Variants in NAALADL2 observed in about 807,000 individuals in gnomAD.
NAALADL2 encodes N-acetylated alpha-linked acidic dipeptidase like 2.
NAALADL2 carries 76 observed loss-of-function variants against 87.2 expected under a neutral mutation model. The observed-to-expected ratio is 0.87, with a 90% CI of 0.72 to 1.05. The LOEUF (loss-of-function observed/expected upper bound fraction) is 1.05, where lower values mean the gene tolerates loss of function less well. Among genes scored for constraint, NAALADL2 ranks in the 50% least tolerant of loss-of-function variants. NAALADL2 has a pLI of 0.00. For synonymous variants in NAALADL2, 354 were observed against 331.0 expected (o/e 1.07, Z -0.75); for missense variants, 1,089 against 945.8 (o/e 1.15, Z -1.99).
At chr3:175,680,457 T>C in intron 11 of NAALADL2, among the ~76,000 whole-genome samples, 1 of 152,230 alleles carries the variant, frequency 6.6e-6, no homozygotes, top group Admixed American at 6.5e-5. Context: ...AAGTAAATGA[T>C]AATAGAGATT....
chr3:174,812,849 T>C (rs1038056934), intron 3 of NAALADL2, among the ~76,000 whole-genome samples: 1 of 151,840 alleles, frequency 6.6e-6, no homozygotes, highest in Admixed American at 6.6e-5. Flanking sequence ...AATAAAGATA[T>C]AAAGAAAAAA....
chr3:174,486,411 C>G (rs565378966), intron 1 of NAALADL2, among the ~76,000 whole-genome samples: 9 of 152,138 alleles, frequency 5.9e-5, no homozygotes, highest in Non-Finnish European at 1.2e-4. Context: ...TGGCTGGGTC[C>G]CCCTAGTGCT....
intron 9 of NAALADL2, among the ~76,000 whole-genome samples, chr3:175,575,480 T>A (rs1718730234): frequency 6.6e-6 from 1 of 152,012 alleles, no homozygotes; most frequent in Non-Finnish European, 1.5e-5. Context: ...GGACGAGCTT[T>A]CACCATGTTG....
At chr3:174,723,373 C>T (rs1383568342) in intron 2 of NAALADL2, among the ~76,000 whole-genome samples, 1 of 152,162 alleles carries the variant, frequency 6.6e-6, no homozygotes, top group African/African-American at 2.4e-5. Flanking sequence ...TCCCAAGCTT[C>T]TAACACCCAA....
intron 5 of NAALADL2, among the ~76,000 whole-genome samples, chr3:175,356,385 C>T (rs1764363251): frequency 6.6e-6 from 1 of 151,802 alleles, no homozygotes; most frequent in African/African-American, 2.4e-5. Flanking sequence ...GAGTTCAAGA[C>T]CAACATAGTG....
At chr3:175,600,523 G>GTTTTTTTT (rs1560828582) in intron 10 of NAALADL2, among the ~76,000 whole-genome samples, 1 of 57,958 alleles carries the variant, frequency 1.7e-5, no homozygotes, top group Non-Finnish European at 3.9e-5. Flanking sequence ...ATGTGTCTTA[G>GTTTTTTTT]TCTTTTTTTT....
intron 1 of NAALADL2, among the ~76,000 whole-genome samples, chr3:174,933,150 G>A (rs1737173867): frequency 6.6e-6 from 1 of 152,144 alleles, no homozygotes; most frequent in Non-Finnish European, 1.5e-5. Flanking sequence ...AAGACTATCT[G>A]CCTGTTGACT....
In NAALADL2 at chr3:175,627,274, T is replaced by G. The variant is rs1727117441; in HGVS notation, c.1801-17T>G. 1 of 1,536,258 alleles carries G rather than the reference T, an allele frequency of 6.5e-7. No homozygotes were observed. Among genetic ancestry groups the G allele is most frequent in the African/African-American group, 1.4e-5 (1 of 72,550 alleles). The stretch of plus-strand genomic sequence containing the variant: ...TCGATAAAGAGTTTTAAATGTTTCT[T>G]TTTTGATTTGCCGCAGGGTCCAAGT... On this transcript the variant is annotated splice_polypyrimidine_tract_variant and intron_variant, in intron 10 of 13. Coordinates refer to ENST00000454872, the MANE Select transcript of NAALADL2 (RefSeq NM_207015.3).
At chr3:174,659,674 A>C (rs1725324654) in intron 2 of NAALADL2, among the ~76,000 whole-genome samples, 1 of 152,216 alleles carries the variant, frequency 6.6e-6, no homozygotes, top group Admixed American at 6.5e-5. Context: ...GGCATAAGCC[A>C]GTGTGGAGAG....
At chr3:174,987,827 T>TATATATATTTATATATAA (rs1222203525) in intron 1 of NAALADL2, among the ~76,000 whole-genome samples, 1 of 130,578 alleles carries the variant, frequency 7.7e-6, no homozygotes, top group African/African-American at 3.7e-5. Context: ...TATATATATA[T>TATATATATTTATATATAA]AATGAGACCT....
intron 13 of NAALADL2, among the ~76,000 whole-genome samples, chr3:175,760,587 T>G (rs995192172): frequency 2.0e-5 from 3 of 152,186 alleles, no homozygotes; most frequent in African/African-American, 4.8e-5. Flanking sequence ...AATCCAGCAG[T>G]GTGAAATTTG....
intron 2 of NAALADL2, among the ~76,000 whole-genome samples, chr3:174,653,483 A>G (rs1351494826): frequency 6.6e-6 from 1 of 152,156 alleles, no homozygotes; most frequent in Non-Finnish European, 1.5e-5. Context: ...GGACTTTACA[A>G]TTTAGTAGGA....
intron 2 of NAALADL2, chr3:175,115,272 C>T (rs1724920237): frequency 6.6e-6 from 1 of 151,494 alleles, no homozygotes; most frequent in Admixed American, 6.6e-5. Context: ...TAACTTACTT[C>T]TTTATTGTGA....
intron 3 of NAALADL2, among the ~76,000 whole-genome samples, chr3:174,740,150 A>T (rs1733626001): frequency 6.6e-6 from 1 of 152,006 alleles, no homozygotes; most frequent in Non-Finnish European, 1.5e-5. Flanking sequence ...CAAGGTGGAC[A>T]TGTAAGCAAC....
At chr3:175,430,962 T>A (rs766735460) in intron 5 of NAALADL2, among the ~76,000 whole-genome samples, 1 of 152,102 alleles carries the variant, frequency 6.6e-6, no homozygotes, top group Non-Finnish European at 1.5e-5. Context: ...ATCTCATTGA[T>A]ATTTTTATTG....
At chr3:175,445,006 A>G (rs999054211) in intron 5 of NAALADL2, among the ~76,000 whole-genome samples, 1 of 152,188 alleles carries the variant, frequency 6.6e-6, no homozygotes, top group Non-Finnish European at 1.5e-5. Context: ...TACCAGTATC[A>G]TCAAGCTCTG....
intron 11 of NAALADL2, among the ~76,000 whole-genome samples, chr3:175,704,383 C>T (rs1739389143): frequency 6.6e-6 from 1 of 152,172 alleles, no homozygotes; most frequent in South Asian, 2.1e-4. Flanking sequence ...CAAAGCCATA[C>T]ATATAATACT....
chr3:174,636,614 A>T (rs55855144), intron 2 of NAALADL2, among the ~76,000 whole-genome samples: 4,103 of 152,250 alleles, frequency 0.027, 120 homozygotes, highest in African/African-American at 0.069. Flanking sequence ...ATATCATCTT[A>T]CCCTAGTTAG....
chr3:174,760,183 T>C (rs1294467420), intron 3 of NAALADL2, among the ~76,000 whole-genome samples: 1 of 152,184 alleles, frequency 6.6e-6, no homozygotes, highest in East Asian at 1.9e-4. Context: ...AGAGCCACAG[T>C]AGGTACCCAT....
Sources: gnomAD v4.1 joint callset for allele counts (sites outside exome capture counted in the v4.1 genomes callset) on GRCh38, gnomAD v4.1.1 for gene constraint, MANE v1.5 for transcripts, NCBI Gene and HGNC (gene_info 2026-07-23, HGNC 2026-07-21) for gene names.